MAD1L1: variants seen among roughly 807,000 people sequenced by gnomAD.
MAD1L1 encodes the protein mitotic spindle assembly checkpoint protein MAD1.
Under a neutral mutation model 96.9 loss-of-function variants are expected in MAD1L1, and 95 were observed. The observed-to-expected ratio is 0.98, with a 90% CI of 0.83 to 1.16. The LOEUF (loss-of-function observed/expected upper bound fraction) is 1.16, where lower values mean the gene tolerates loss of function less well. Among genes scored for constraint, MAD1L1 ranks in the 50% most tolerant of loss-of-function variants. The pLI is 0.00. For synonymous variants in MAD1L1, 473 were observed against 396.6 expected, an observed-to-expected ratio of 1.19 and a Z score of -2.29; for missense variants, 1,007 against 954.4, an observed-to-expected ratio of 1.06 and a Z score of -0.73.
intron 16 of MAD1L1, among the ~76,000 whole-genome samples, chr7:1,937,629 G>A (rs1165585668): frequency 6.6e-6 from 1 of 150,942 alleles, no homozygotes; most frequent in Non-Finnish European, 1.5e-5. Context: ...GCCGCCCCCA[G>A]CAGGGAGGTG....
intron 17 of MAD1L1, among the ~76,000 whole-genome samples, chr7:1,904,127 T>C (rs1440312972): frequency 3.0e-5 from 4 of 134,862 alleles, no homozygotes; most frequent in Admixed American, 2.3e-4. Context: ...TCAAGCACTG[T>C]TCCAGGCAGC....
At position 2,114,128 on chromosome 7, in the gene MAD1L1, G is replaced by A. The variant is rs554063374; in HGVS notation, c.1073+35024C>T. Among the ~76,000 whole-genome samples the A allele has an allele frequency of 1.2e-4, 18 of 152,328 alleles. No individual in the cohort carries two copies. Among genetic ancestry groups the A allele is most frequent in the South Asian group, 2.1e-4 (1 of 4,830 alleles). The stretch of plus-strand genomic sequence containing the variant: ...AGACGTTACCCTCGGGAAAGCTGGC[G>A]GAGGGTGCGTCGAAACATTCTCCAC... On this transcript the variant is annotated intron_variant, in intron 11 of 18. Transcript: ENST00000265854. The surrounding 1 kb of genome is among the most constrained non-coding windows in gnomAD (Gnocchi z 4.2).
intron 17 of MAD1L1, among the ~76,000 whole-genome samples, chr7:1,931,076 C>A (rs868085968): frequency 6.7e-5 from 8 of 119,814 alleles, no homozygotes; most frequent in African/African-American, 3.3e-4. Context: ...CTCACCCCAC[C>A]CACGGTCACA....
chr7:1,923,430 A>G lies in MAD1L1; in HGVS notation c.1807+13257T>C, dbSNP rs373991610. Among the ~76,000 whole-genome samples the G allele has an allele frequency of 4.8e-4, 61 of 126,152 alleles. No homozygotes were observed. In the East Asian group the frequency reaches 0.012, roughly 25 times the overall value. The allele number at this position is 126,152 out of a possible 152,430, so 82.8% of individuals were successfully genotyped here. ...CCTCTTCTACCCTGACACCCAGGCA[A>G]TCCTGCGCTCTTCCGCCCCGGCACC... is the stretch of plus-strand genomic sequence containing the variant. On this transcript the variant is annotated intron_variant, in intron 17 of 18. Coordinates refer to ENST00000265854, the MANE Select transcript of MAD1L1 (RefSeq NM_001013836.2).
chr7:1,839,982 G>A (rs1783157368), intron 18 of MAD1L1, among the ~76,000 whole-genome samples: 1 of 152,216 alleles, frequency 6.6e-6, no homozygotes, highest in South Asian at 2.1e-4. Context: ...GGCGGAGCAG[G>A]ACCCCCGCAT....
intron 10 of MAD1L1, among the ~76,000 whole-genome samples, chr7:2,158,451 C>T (rs763027453): frequency 7.6e-4 from 116 of 152,342 alleles, no homozygotes; most frequent in Middle Eastern, 3.4e-3. Context: ...ATCCACAGGG[C>T]CTAGGACCAC....
Position 2,011,116 on chromosome 7 carries a change from T to TGG in MAD1L1, c.1359+3384_1359+3385dup, listed in dbSNP as rs773766655. Reference sequence around the variant, plus strand: ...TGTGGGGTCAGGAGCCCTCCCCGGCTGGGGCGATGGCGGCCCCCCACCCCC... The same window carrying TGG: ...TGTGGGGTCAGGAGCCCTCCCCGGCTGGGGGGCGATGGCGGCCCCCCACCCCC... On this transcript the variant is annotated intron_variant, in intron 13 of 18. Coordinates refer to ENST00000265854, the MANE Select transcript of MAD1L1 (RefSeq NM_001013836.2). Among the ~76,000 whole-genome samples the TGG allele has an allele frequency of 2.6e-5, 4 of 152,196 alleles. No individual in the cohort carries two copies. In the East Asian group the frequency reaches 7.8e-4, roughly 30 times the overall value.
At chr7:2,000,748 T>C (rs1781757334) in intron 14 of MAD1L1, among the ~76,000 whole-genome samples, 1 of 152,180 alleles carries the variant, frequency 6.6e-6, no homozygotes, top group Admixed American at 6.5e-5. Context: ...AAGAAGAATG[T>C]CCTTAAGCAG....
chr7:2,221,592 G>A (rs1793613506), intron 5 of MAD1L1, among the ~76,000 whole-genome samples: 1 of 152,074 alleles, frequency 6.6e-6, no homozygotes, highest in Non-Finnish European at 1.5e-5. Context: ...GACAGGAGAG[G>A]TCAGAAGATT....
Position 1,905,731 on chromosome 7 carries a change from C to T in MAD1L1, c.1808-7341G>A, listed in dbSNP as rs71523282. Among the ~76,000 whole-genome samples, 687 of 152,268 alleles carry T rather than the reference C, an allele frequency of 4.5e-3. 3 individuals carry two copies. Among genetic ancestry groups the T allele is most frequent in the Non-Finnish European group, 7.4e-3 (506 of 68,024 alleles). On this transcript the variant is annotated intron_variant, in intron 17 of 18. Coordinates refer to ENST00000265854, the MANE Select transcript of MAD1L1 (RefSeq NM_001013836.2). Reference sequence around the variant, plus strand: ...CCCGTGAGTGAGGCCGGCCTGACCCCCATCTGTGTCCTGGGATGATTTTAA... The same window carrying T: ...CCCGTGAGTGAGGCCGGCCTGACCCTCATCTGTGTCCTGGGATGATTTTAA...
rs925824181 is a variant in MAD1L1 at position 2,119,039 on chromosome 7, C to A, written c.1073+30113G>T. Among the ~76,000 whole-genome samples, 3 of 152,152 alleles carry A rather than the reference C, an allele frequency of 2.0e-5. No individual in the cohort carries two copies. In the South Asian group the frequency reaches 6.2e-4, roughly 32 times the overall value. On this transcript the variant is annotated intron_variant, in intron 11 of 18. Coordinates refer to ENST00000265854, the MANE Select transcript of MAD1L1 (RefSeq NM_001013836.2). This position sits in a 1 kb window ranked among gnomAD's most constrained non-coding sequence, Gnocchi z 4.6. Reference sequence around the variant, plus strand: ...CCTCCAGCCCCACGTGACGGTCTGCCTCCCAGACCCCTGCGCGGACAAGCA... The same window carrying A: ...CCTCCAGCCCCACGTGACGGTCTGCATCCCAGACCCCTGCGCGGACAAGCA...
At chr7:2,211,827 C>A (rs540445496) in intron 10 of MAD1L1, among the ~76,000 whole-genome samples, 2 of 152,198 alleles carry the variant, frequency 1.3e-5, no homozygotes, top group Non-Finnish European at 2.9e-5. Context: ...AACCAGCAGT[C>A]GGACGGTGTG....
intron 16 of MAD1L1, among the ~76,000 whole-genome samples, chr7:1,953,119 G>T (rs1008699167): frequency 2.6e-5 from 4 of 152,166 alleles, no homozygotes; most frequent in African/African-American, 9.7e-5. Flanking sequence ...GGGTGAGGAG[G>T]TCTGAGGAGA....
rs960924591 is a variant in MAD1L1 at position 1,853,988 on chromosome 7, C to T, written c.1999-37760G>A. Among the ~76,000 whole-genome samples, 9 of 152,230 alleles carry T rather than the reference C, an allele frequency of 5.9e-5. No homozygotes were observed. In the East Asian group the frequency reaches 1.2e-3, roughly 20 times the overall value. On this transcript the variant is annotated intron_variant, in intron 18 of 18. Coordinates refer to ENST00000265854, the MANE Select transcript of MAD1L1 (RefSeq NM_001013836.2). ...GGCTTCTCCTGCTGCCGCCAGCTCC[C>T]GGCGCCATTCTCATGCCGTGCACTG...
At chr7:2,034,754 G>T (rs1396253266) in intron 12 of MAD1L1, among the ~76,000 whole-genome samples, 3 of 152,222 alleles carry the variant, frequency 2.0e-5, no homozygotes, top group Non-Finnish European at 2.9e-5. Context: ...CTGAATGAAT[G>T]AACAGGGGAG....
Position 2,094,143 on chromosome 7 carries a change from G to T in MAD1L1, c.1074-24805C>A, listed in dbSNP as rs185328309. On this transcript the variant is annotated intron_variant, in intron 11 of 18. Transcript: ENST00000265854. ...GCAAACTCACAGCCCTTGCTGAGCT[G>T]CTGGGAACAGGTGGCCTCAACGCCA... Among the ~76,000 whole-genome samples, 217 of 152,352 alleles carry T rather than the reference G, an allele frequency of 1.4e-3. 1 individual carries two copies. Among genetic ancestry groups the T allele is most frequent in the Middle Eastern group, 3.4e-3 (1 of 294 alleles).
chr7:1,952,215 G>A (rs535662335), intron 16 of MAD1L1, among the ~76,000 whole-genome samples: 1 of 152,338 alleles, frequency 6.6e-6, no homozygotes, highest in Admixed American at 6.5e-5. Flanking sequence ...CACAGCATCG[G>A]CTGCCGGGAA....
At chr7:2,189,977 C>A (rs1438958275) in intron 10 of MAD1L1, among the ~76,000 whole-genome samples, 1 of 152,068 alleles carries the variant, frequency 6.6e-6, no homozygotes, top group Admixed American at 6.5e-5. Flanking sequence ...TAAAACTGCA[C>A]TGGAGGTCCC....
intron 4 of MAD1L1, 52 bp from the exon 5 acceptor site, chr7:2,222,806 C>T (rs1219405320): frequency 9.0e-6 from 13 of 1,442,786 alleles, no homozygotes; most frequent in Admixed American, 5.9e-5. Flanking sequence ...GGAGGGTCAG[C>T]GGGGAGCCCT....
Sources: allele counts gnomAD v4.1 joint callset (sites outside exome capture counted in the v4.1 genomes callset), GRCh38; gene constraint gnomAD v4.1.1; non-coding constraint Gnocchi (gnomAD v3.1); transcripts MANE v1.5; gene names NCBI Gene and HGNC (gene_info 2026-07-23, HGNC 2026-07-21).